The following EDARADD variants were observed in gnomAD, a reference collection of about 807,000 sequenced individuals.
The protein encoded by EDARADD is EDAR associated via death domain, also known as ectodysplasin-A receptor-associated adapter protein.
In EDARADD, 20 loss-of-function variants were observed where a neutral mutation model predicts 25.6. The observed-to-expected ratio is 0.78, with a 90% CI of 0.55 to 1.14. The LOEUF (loss-of-function observed/expected upper bound fraction) is 1.14, where lower values mean the gene tolerates loss of function less well. Among genes scored for constraint, EDARADD ranks in the 50% most tolerant of loss-of-function variants. The pLI is 0.00. For synonymous variants in EDARADD, 86 were observed against 94.4 expected (o/e 0.91, Z 0.52); for missense variants, 225 against 270.1 (o/e 0.83, Z 1.17).
intron 2 of EDARADD, 38 bp downstream of exon 2, chr1:236,409,312 GT>G: frequency 6.5e-7 from 1 of 1,533,604 alleles, no homozygotes; most frequent in Non-Finnish European, 9.0e-7. Flanking sequence ...GATAATTATT[GT>G]TTTGCTTTTT....
intron 1 of EDARADD, 122 bp from the exon 2 acceptor site, chr1:236,409,094 A>C: frequency 2.0e-6 from 1 of 492,812 alleles, no homozygotes. Flanking sequence ...AAAAGGAGTA[A>C]GGTTTTCTTC....
intron 4 of EDARADD, among the ~76,000 whole-genome samples, chr1:236,427,689 C>T (rs1657961989): frequency 6.6e-6 from 1 of 152,100 alleles, no homozygotes; most frequent in African/African-American, 2.4e-5. Context: ...ATGCCAACAA[C>T]AGAAAATCAA....
intron 5 of EDARADD, among the ~76,000 whole-genome samples, chr1:236,480,133 A>ATATATATATC: frequency 7.0e-6 from 1 of 142,114 alleles, no homozygotes; most frequent in African/African-American, 2.7e-5. Context: ...ATATATATAT[A>ATATATATATC]TATCACATTT....
At chr1:236,469,816 G>C (rs576341571) in intron 5 of EDARADD, among the ~76,000 whole-genome samples, 1 of 151,852 alleles carries the variant, frequency 6.6e-6, no homozygotes, top group South Asian at 2.1e-4. Context: ...TTCTTGAGAC[G>C]GAGTTTCGCA....
intron 5 of EDARADD, among the ~76,000 whole-genome samples, chr1:236,472,418 C>T (rs547302136): frequency 4.8e-4 from 73 of 152,162 alleles, no homozygotes; most frequent in African/African-American, 1.6e-3. Context: ...TCGGGATCTC[C>T]GAGGGTGGGA....
chr1:236,378,884 A>C (rs115308774), intron 3 of EDARADD, among the ~76,000 whole-genome samples: 1 of 152,150 alleles, frequency 6.6e-6, no homozygotes, highest in African/African-American at 2.4e-5. Context: ...ATTTAGATCC[A>C]TAATCCTCAA....
intron 1 of EDARADD, among the ~76,000 whole-genome samples, chr1:236,404,953 G>T (rs1029243454): frequency 2.0e-5 from 3 of 152,054 alleles, no homozygotes; most frequent in African/African-American, 7.2e-5. Context: ...AACAAATCGG[G>T]CATAGTGGTG....
At chr1:236,443,503 G>T (rs561752153) in intron 4 of EDARADD, among the ~76,000 whole-genome samples, 1 of 152,270 alleles carries the variant, frequency 6.6e-6, no homozygotes, top group East Asian at 1.9e-4. Context: ...CATGGATGAC[G>T]TTGAGGGATT....
At chr1:236,466,443 A>G (rs1659190751) in intron 4 of EDARADD, among the ~76,000 whole-genome samples, 1 of 144,176 alleles carries the variant, frequency 6.9e-6, no homozygotes, top group African/African-American at 2.8e-5. Context: ...TCTGATAAAC[A>G]CACACACACA....
intron 5 of EDARADD, among the ~76,000 whole-genome samples, chr1:236,475,470 G>A (rs1659475389): frequency 6.6e-6 from 1 of 152,114 alleles, no homozygotes; most frequent in Non-Finnish European, 1.5e-5. Context: ...TTGTGTTATT[G>A]AAAACACACA....
rs750512955 is a variant in EDARADD at position 236,482,267 on chromosome 1, A to AG, written c.267dup (p.Ile90AspfsTer25). On this transcript the variant is annotated frameshift_variant and splice_region_variant, in exon 6 of 6. Coordinates refer to ENST00000334232, the MANE Select transcript of EDARADD (RefSeq NM_145861.4). LOFTEE classifies it high-confidence loss of function. ...TGGACTAAATTGTTTCTCCCTGCAG[A>AG]GATCAGCAAGGACAACTCCTGCAAA... The AG allele has an allele frequency of 6.2e-7, 1 of 1,614,176 alleles. No individual in the cohort carries two copies. The highest frequency in any genetic ancestry group is 1.1e-5 in the South Asian group (1 of 91,088).
rs555262255 is a variant in EDARADD at position 236,472,559 on chromosome 1, C to T, written c.265+4283C>T. Reference sequence around the variant, plus strand: ...TTTGCTTGTTTTTGAGATGGGGTCTCGCTCTGTCACCCAGGCTGGAGTGCA... The same window carrying T: ...TTTGCTTGTTTTTGAGATGGGGTCTTGCTCTGTCACCCAGGCTGGAGTGCA... On this transcript the variant is annotated intron_variant, in intron 5 of 5. Coordinates refer to ENST00000334232, the MANE Select transcript of EDARADD (RefSeq NM_145861.4). Among the ~76,000 whole-genome samples the T allele has an allele frequency of 3.3e-5, 5 of 152,262 alleles. No individual in the cohort carries two copies. In the South Asian group the frequency reaches 6.2e-4, roughly 19 times the overall value.
intron 4 of EDARADD, among the ~76,000 whole-genome samples, chr1:236,429,233 T>A (rs976500535): frequency 1.3e-5 from 2 of 149,502 alleles, no homozygotes; most frequent in African/African-American, 4.9e-5. Context: ...TTTTTTTTTT[T>A]TTTTTGAGGC....
At chr1:236,455,950 T>C (rs1328874115) in intron 4 of EDARADD, among the ~76,000 whole-genome samples, 2 of 152,186 alleles carry the variant, frequency 1.3e-5, no homozygotes, top group Non-Finnish European at 1.5e-5. Context: ...CCACCACGTC[T>C]GGCTCATCTT....
intron 3 of EDARADD, among the ~76,000 whole-genome samples, chr1:236,381,035 C>G (rs1216209791): frequency 6.6e-6 from 1 of 152,162 alleles, no homozygotes; most frequent in East Asian, 1.9e-4. Context: ...CCGTTAGCCC[C>G]CAAAGTTTAC....
At chr1:236,446,885 C>T (rs1022341154) in intron 4 of EDARADD, among the ~76,000 whole-genome samples, 1 of 152,172 alleles carries the variant, frequency 6.6e-6, no homozygotes, top group Non-Finnish European at 1.5e-5. Context: ...CGCACTGTAA[C>T]GCATGTGAAT....
At chr1:236,444,846 T>G (rs936812677) in intron 4 of EDARADD, among the ~76,000 whole-genome samples, 1 of 152,226 alleles carries the variant, frequency 6.6e-6, no homozygotes, top group African/African-American at 2.4e-5. Context: ...AGTCTGAAAC[T>G]GAACCCACAA....
At chr1:236,447,242 CCTTTCTTTCCTTTCTTT>C (rs1558127540) in intron 4 of EDARADD, among the ~76,000 whole-genome samples, 6 of 88,448 alleles carry the variant, frequency 6.8e-5, no homozygotes, top group South Asian at 3.9e-4. Context: ...TCCTTTCTTT[CCTTTCTTTCCTTTCTTT>C]CTTTCTTTCT....
intron 3 of EDARADD, among the ~76,000 whole-genome samples, chr1:236,357,772 A>G (rs1375563990): frequency 1.3e-5 from 2 of 152,048 alleles, no homozygotes; most frequent in African/African-American, 4.8e-5. Context: ...ACCTTCCACC[A>G]GGTCCCACCT....
Sources: gnomAD v4.1 joint callset for allele counts (sites outside exome capture counted in the v4.1 genomes callset) on GRCh38, gnomAD v4.1.1 for gene constraint, MANE v1.5 for transcripts, NCBI Gene and HGNC (gene_info 2026-07-23, HGNC 2026-07-21) for gene names.